The following DYM variants were observed in gnomAD, a reference collection of about 807,000 sequenced individuals.
DYM encodes the protein dyggve-Melchior-Clausen syndrome protein.
Under a neutral mutation model 93.1 loss-of-function variants are expected in DYM, and 78 were observed. The observed-to-expected ratio is 0.84, with a 90% CI of 0.70 to 1.01. The LOEUF (loss-of-function observed/expected upper bound fraction) is 1.01, where lower values mean the gene tolerates loss of function less well. Ranked by LOEUF, DYM falls within the 50% of genes least tolerant of loss-of-function variation. The pLI is 0.00. For synonymous variants in DYM, 321 were observed against 319.7 expected (o/e 1.00, Z -0.04); for missense variants, 789 against 845.0 (o/e 0.93, Z 0.82).
At chr18:49,411,597 A>G (rs2072249748) in intron 2 of DYM, among the ~76,000 whole-genome samples, 1 of 152,320 alleles carries the variant, frequency 6.6e-6, no homozygotes, top group Non-Finnish European at 1.5e-5. Context: ...AAATATTTTT[A>G]AGAAAAGCAG....
At chr18:49,088,895 G>T (rs573992507) in intron 17 of DYM, among the ~76,000 whole-genome samples, 1 of 152,130 alleles carries the variant, frequency 6.6e-6, no homozygotes, top group Non-Finnish European at 1.5e-5. Flanking sequence ...GGGCACAAGC[G>T]ATCCTCCTGC....
At chr18:49,159,660 T>A (rs1456145919) in intron 15 of DYM, among the ~76,000 whole-genome samples, 1 of 152,106 alleles carries the variant, frequency 6.6e-6, no homozygotes, top group Non-Finnish European at 1.5e-5. Flanking sequence ...GGCAGGACAA[T>A]CACTTGAGGC....
intron 2 of DYM, among the ~76,000 whole-genome samples, chr18:49,415,694 G>A (rs1005932311): frequency 6.6e-6 from 1 of 152,014 alleles, no homozygotes; most frequent in Non-Finnish European, 1.5e-5. Context: ...TTTGGAGGCT[G>A]ATGTGGGTGG....
intron 13 of DYM, among the ~76,000 whole-genome samples, chr18:49,212,683 G>C (rs778995348): frequency 6.6e-6 from 1 of 151,954 alleles, no homozygotes; most frequent in Non-Finnish European, 1.5e-5. Flanking sequence ...TTTTACTAGA[G>C]GCAGGGTCTC....
chr18:49,101,992 T>G (rs774936694), intron 16 of DYM, among the ~76,000 whole-genome samples: 1 of 152,188 alleles, frequency 6.6e-6, no homozygotes, highest in Non-Finnish European at 1.5e-5. Flanking sequence ...ACTCAACATC[T>G]AGATGTAGCA....
chr18:49,207,012 C>T (rs2092551567), intron 14 of DYM, among the ~76,000 whole-genome samples: 2 of 152,242 alleles, frequency 1.3e-5, no homozygotes, highest in South Asian at 2.1e-4. Flanking sequence ...GCTTTCACCA[C>T]ATGGTGTCTC....
At chr18:49,317,654 T>TCTCCCC (rs1357385543) in intron 8 of DYM, among the ~76,000 whole-genome samples, 1 of 45,448 alleles carries the variant, frequency 2.2e-5, no homozygotes, top group Non-Finnish European at 4.5e-5. Context: ...CTCTCCTTCC[T>TCTCCCC]TCCTTCCTTC....
chr18:49,411,492 C>T (rs1029271260), intron 2 of DYM, among the ~76,000 whole-genome samples: 5 of 152,106 alleles, frequency 3.3e-5, no homozygotes, highest in Admixed American at 6.5e-5. Context: ...CCCTACTTCA[C>T]AGTTTTCTGT....
At chr18:49,416,906 ATAGT>A (rs2073054079) in intron 2 of DYM, among the ~76,000 whole-genome samples, 1 of 152,126 alleles carries the variant, frequency 6.6e-6, no homozygotes, top group South Asian at 2.1e-4. Flanking sequence ...TCAGCCTTTC[ATAGT>A]TAGAGCCCCT....
intron 17 of DYM, among the ~76,000 whole-genome samples, chr18:49,063,437 A>G (rs2076147269): frequency 6.6e-6 from 1 of 151,894 alleles, no homozygotes; most frequent in African/African-American, 2.4e-5. Context: ...AAACACTGTT[A>G]CAGGACTAAG....
chr18:49,393,116 G>T (rs1174397923), intron 2 of DYM, among the ~76,000 whole-genome samples: 1 of 67,700 alleles, frequency 1.5e-5, no homozygotes, highest in Non-Finnish European at 2.9e-5. Context: ...AAGGAAGGAA[G>T]GAAGGAAGGA....
chr18:49,258,128 A>G (rs943342801), intron 12 of DYM, among the ~76,000 whole-genome samples: 3 of 152,236 alleles, frequency 2.0e-5, no homozygotes, highest in Admixed American at 6.5e-5. Context: ...ATAAAGACAT[A>G]CAATAGCTTT....
intron 6 of DYM, among the ~76,000 whole-genome samples, chr18:49,336,700 A>G (rs2063701098): frequency 6.6e-6 from 1 of 152,286 alleles, no homozygotes; most frequent in South Asian, 2.1e-4. Context: ...CATATTGGGG[A>G]CATATCCATC....
At chr18:49,217,023 G>T (rs1267038441) in intron 13 of DYM, among the ~76,000 whole-genome samples, 2 of 152,168 alleles carry the variant, frequency 1.3e-5, no homozygotes, top group Non-Finnish European at 2.9e-5. Flanking sequence ...TTAGACGAAT[G>T]TATAACTAGA....
At chr18:49,428,679 A>T (rs1288196694) in intron 2 of DYM, among the ~76,000 whole-genome samples, 2 of 152,130 alleles carry the variant, frequency 1.3e-5, no homozygotes, top group East Asian at 1.9e-4. Context: ...TCCCTCTCAA[A>T]AAATAAATAA....
intron 13 of DYM, among the ~76,000 whole-genome samples, chr18:49,244,131 C>G (rs2094108064): frequency 6.6e-6 from 1 of 152,090 alleles, no homozygotes; most frequent in Admixed American, 6.6e-5. Context: ...CCTAAGAAGG[C>G]AAAAGTTTTG....
intron 1 of DYM, among the ~76,000 whole-genome samples, chr18:49,453,545 C>T (rs2082715347): frequency 6.6e-6 from 1 of 152,088 alleles, no homozygotes; most frequent in Non-Finnish European, 1.5e-5. Context: ...GAACAAACTC[C>T]ACACACGCCG....
At chr18:49,085,874 G>C (rs1241456985) in intron 17 of DYM, among the ~76,000 whole-genome samples, 1 of 152,080 alleles carries the variant, frequency 6.6e-6, no homozygotes, top group African/African-American at 2.4e-5. Context: ...CAAAGTGCTG[G>C]GATTACAGGC....
chr18:49,140,844 A>C (rs2144409319), intron 15 of DYM, among the ~76,000 whole-genome samples: 1 of 152,332 alleles, frequency 6.6e-6, no homozygotes, highest in South Asian at 2.1e-4. Flanking sequence ...TGATTAATTA[A>C]TCTAGCTACT....
Sources: gnomAD v4.1 joint callset for allele counts (sites outside exome capture counted in the v4.1 genomes callset) on GRCh38, gnomAD v4.1.1 for gene constraint, MANE v1.5 for transcripts, NCBI Gene and HGNC (gene_info 2026-07-23, HGNC 2026-07-21) for gene names.